The following MMP24 variants were observed in gnomAD, a reference collection of about 807,000 sequenced individuals.
MMP24 encodes matrix metalloproteinase-24.
A neutral mutation model predicts 62.8 loss-of-function variants in MMP24; 25 were observed. The ratio of observed to expected loss-of-function variants is 0.40; its 90% CI spans 0.29 to 0.56. The LOEUF is 0.56. MMP24 is among the 20% of genes least tolerant of loss of function. The pLI, the probability that MMP24 is intolerant of heterozygous loss-of-function variation, is 0.50. For synonymous variants in MMP24, 319 were observed against 350.5 expected (o/e 0.91, Z 1.00); for missense variants, 634 against 853.6 (o/e 0.74, Z 3.21).
At chr20:35,231,364 G>C (rs1312321591) in intron 1 of MMP24, among the ~76,000 whole-genome samples, 3 of 152,200 alleles carry the variant, frequency 2.0e-5, no homozygotes, top group African/African-American at 7.2e-5. Flanking sequence ...AGGGGTAAGA[G>C]AGTGACCTAC....
At position 35,274,849 on chromosome 20, in the gene MMP24, C is replaced by T. The variant is rs1434040992; in HGVS notation, c.*240C>T. The T allele has an allele frequency of 1.8e-6, 1 of 555,272 alleles. No homozygotes were observed. The highest frequency in any genetic ancestry group is 3.2e-6 in the Non-Finnish European group (1 of 311,700). The allele number at this position is 555,272 out of a possible 1,614,324, so 34.4% of individuals were successfully genotyped here. The stretch of plus-strand genomic sequence containing the variant: ...AGCCTTCTGTCCTGGGCAAACTACT[C>T]CCTACTTAAGGGAATAGGCCAGGCT... On this transcript the variant is annotated 3_prime_UTR_variant, in exon 9 of 9. Coordinates refer to ENST00000246186, the MANE Select transcript of MMP24 (RefSeq NM_006690.4). The surrounding 1 kb of genome is among the most constrained non-coding windows in gnomAD (Gnocchi z 5.1).
rs572905860 is a variant in MMP24, at chr20:35,243,925, T to C, written c.247-2915T>C. Among the ~76,000 whole-genome samples, 66 of 152,358 alleles carry C rather than the reference T, an allele frequency of 4.3e-4. 1 individual carries two copies. The highest frequency in any genetic ancestry group is 1.6e-3 in the African/African-American group (66 of 41,592). ...GCCATCATTTGGAATGGAAAGTATG[T>C]TTCAGATCCAATTGTGAGAGACAGA... On this transcript the variant is annotated intron_variant, in intron 1 of 8. Transcript: ENST00000246186.
chr20:35,272,263 T>TCTCA (rs1490481429), intron 8 of MMP24: 1 of 421,672 alleles, frequency 2.4e-6, no homozygotes, highest in Non-Finnish European at 4.2e-6. Flanking sequence ...AGAGATAAGG[T>TCTCA]CTCACTCTGT....
intron 1 of MMP24, among the ~76,000 whole-genome samples, chr20:35,244,139 GAC>G (rs1468488209): frequency 1.3e-5 from 2 of 152,160 alleles, no homozygotes; most frequent in Non-Finnish European, 2.9e-5. Flanking sequence ...TATAATAAAA[GAC>G]ACATCCATAA....
intron 4 of MMP24, chr20:35,263,234 T>G (rs923608052): frequency 1.4e-5 from 2 of 141,328 alleles, no homozygotes; most frequent in Admixed American, 7.5e-5. Context: ...GCCAAGAAGC[T>G]GATCCAAATT....
intron 4 of MMP24, among the ~76,000 whole-genome samples, chr20:35,259,351 G>A (rs2425025): frequency 0.96 from 146,350 of 152,278 alleles, 70,416 homozygotes; most frequent in Middle Eastern, 1. Flanking sequence ...TTTTGGCGCT[G>A]TTCCATTCCG....
intron 8 of MMP24, 169 bp downstream of exon 8, chr20:35,272,004 C>G: frequency 1.3e-6 from 1 of 746,196 alleles, no homozygotes; most frequent in Non-Finnish European, 2.1e-6. Context: ...AATTCACTTA[C>G]CAGCTGCCAA....
In MMP24 at chr20:35,249,801, G is replaced by A. The variant is rs1907893808; in HGVS notation, c.396-2104G>A. ...GTACAGACGGGGTTTCACCATGTTAGCCAGGATGGTCTCGATCTCCTGACC... is the reference window on the plus strand; with the variant it reads ...GTACAGACGGGGTTTCACCATGTTAACCAGGATGGTCTCGATCTCCTGACC... On this transcript the variant is annotated intron_variant, in intron 2 of 8. Coordinates refer to ENST00000246186, the MANE Select transcript of MMP24 (RefSeq NM_006690.4). Among the ~76,000 whole-genome samples, 5 of 151,444 alleles carry A rather than the reference G, an allele frequency of 3.3e-5. 1 individual carries two copies. The South Asian group carries it at 1.0e-3, about 32-fold the overall frequency.
At chr20:35,266,163 C>A (rs1164238413) in intron 5 of MMP24, among the ~76,000 whole-genome samples, 1 of 141,354 alleles carries the variant, frequency 7.1e-6, no homozygotes, top group East Asian at 2.0e-4. Context: ...CATGGTGAAA[C>A]CCCATCTCTG....
Position 35,271,172 on chromosome 20 carries a change from G to A in MMP24, c.1334-397G>A, listed in dbSNP as rs1384949000. 1.3e-5 allele frequency among the ~76,000 whole-genome samples: 2 copies of A among 152,238 alleles called. No individual in the cohort carries two copies. The highest frequency in any genetic ancestry group is 4.8e-5 in the African/African-American group (2 of 41,468). ...AGCCCCTCTGTGGTGCAGATGAGGA[G>A]CTCTGGGGAGCCAGCCAATGCAGAG... On this transcript the variant is annotated intron_variant, in intron 7 of 8. Coordinates refer to ENST00000246186, the MANE Select transcript of MMP24 (RefSeq NM_006690.4). This position sits in a 1 kb window ranked among gnomAD's most constrained non-coding sequence, Gnocchi z 4.0.
chr20:35,253,757 TA>T (rs1405444978), intron 3 of MMP24, among the ~76,000 whole-genome samples: 1 of 152,030 alleles, frequency 6.6e-6, no homozygotes, highest in Admixed American at 6.5e-5. Context: ...ACTTTTCACT[TA>T]AACTCCTCTC....
At chr20:35,264,100 A>G (rs748923950) in intron 5 of MMP24, 148 bp downstream of exon 5, 79 of 917,186 alleles carry the variant, frequency 8.6e-5, no homozygotes, top group Non-Finnish European at 1.1e-4. Flanking sequence ...CAGACTTCCA[A>G]TGGCTTTGCC....
chr20:35,240,825 G>A (rs2060485206), intron 1 of MMP24, among the ~76,000 whole-genome samples: 1 of 152,128 alleles, frequency 6.6e-6, no homozygotes, highest in Non-Finnish European at 1.5e-5. Context: ...GTCAGACACT[G>A]TGCTAAATAC....
intron 7 of MMP24, 130 bp downstream of exon 7, chr20:35,270,028 C>A: frequency 8.7e-7 from 1 of 1,154,572 alleles, no homozygotes; most frequent in African/African-American, 1.6e-5. Flanking sequence ...AACGGAGACA[C>A]TGACCTCTGA....
intron 4 of MMP24, among the ~76,000 whole-genome samples, chr20:35,259,690 C>T (rs999880534): frequency 6.6e-6 from 1 of 152,080 alleles, no homozygotes; most frequent in African/African-American, 2.4e-5. Context: ...GAGATGGGAA[C>T]GACCAAATAT....
At chr20:35,250,839 A>C (rs1260898288) in intron 2 of MMP24, among the ~76,000 whole-genome samples, 3 of 152,166 alleles carry the variant, frequency 2.0e-5, no homozygotes, top group Non-Finnish European at 4.4e-5. Flanking sequence ...GCAAGGGGGA[A>C]GTCTGCCTGC....
At chr20:35,258,754 T>C (rs1219070689) in intron 4 of MMP24, among the ~76,000 whole-genome samples, 1 of 151,902 alleles carries the variant, frequency 6.6e-6, no homozygotes, top group Non-Finnish European at 1.5e-5. Flanking sequence ...CTTCAGGTTG[T>C]GTCAGCCTGA....
intron 4 of MMP24, 35 bp downstream of exon 4, chr20:35,254,789 C>T (rs2060566614): frequency 6.4e-7 from 1 of 1,564,598 alleles, no homozygotes; most frequent in Non-Finnish European, 8.7e-7. Flanking sequence ...CAGTCTTGGG[C>T]TGCTCAGTTG....
intron 3 of MMP24, among the ~76,000 whole-genome samples, chr20:35,253,868 G>GTTTTTTTTTTTTTT (rs11474068): frequency 7.7e-6 from 1 of 130,084 alleles, no homozygotes; most frequent in African/African-American, 3.0e-5. Flanking sequence ...TTTCCTTTGG[G>GTTTTTTTTTTTTTT]TTTTTTTTTT....
Sources: gnomAD v4.1 joint callset for allele counts (sites outside exome capture counted in the v4.1 genomes callset) on GRCh38, gnomAD v4.1.1 for gene constraint, Gnocchi (gnomAD v3.1) non-coding constraint, MANE v1.5 for transcripts, NCBI Gene and HGNC (gene_info 2026-07-23, HGNC 2026-07-21) for gene names.